SNTG1: variants seen among roughly 807,000 people sequenced by gnomAD.
SNTG1 encodes the protein syntrophin gamma 1.
A neutral mutation model predicts 74.7 loss-of-function variants in SNTG1; 39 were observed. The ratio of observed to expected loss-of-function variants is 0.52; its 90% CI spans 0.40 to 0.68. The LOEUF (loss-of-function observed/expected upper bound fraction) is 0.68, where lower values mean the gene tolerates loss of function less well. Ranked by LOEUF, SNTG1 falls within the 30% of genes least tolerant of loss-of-function variation. SNTG1 has a pLI of 0.00. For missense variants in SNTG1, 685 were observed against 609.5 expected, an observed-to-expected ratio of 1.12 and a Z score of -1.30; for synonymous variants, 254 against 217.1, an observed-to-expected ratio of 1.17 and a Z score of -1.49.
intron 15 of SNTG1, among the ~76,000 whole-genome samples, chr8:50,672,045 G>T (rs1475978450): frequency 8.3e-6 from 1 of 120,492 alleles, no homozygotes; most frequent in Non-Finnish European, 1.7e-5. Context: ...GGACTGTTGT[G>T]GGGTGGGGGG....
chr8:50,278,929 G>A (rs780053258), intron 2 of SNTG1, among the ~76,000 whole-genome samples: 27 of 152,050 alleles, frequency 1.8e-4, no homozygotes, highest in Admixed American at 2.6e-4. Context: ...TAACATTATC[G>A]AAGTCCTTTG....
chr8:49,969,000 G>C (rs1791340005), intron 1 of SNTG1, among the ~76,000 whole-genome samples: 1 of 152,148 alleles, frequency 6.6e-6, no homozygotes, highest in African/African-American at 2.4e-5. Context: ...CTGGAGGAAG[G>C]GGACAGAGAG....
At chr8:50,146,162 G>T (rs1563656181) in intron 1 of SNTG1, among the ~76,000 whole-genome samples, 1 of 151,942 alleles carries the variant, frequency 6.6e-6, no homozygotes, top group Non-Finnish European at 1.5e-5. Flanking sequence ...GTGTGTGTGT[G>T]TTTTGTGTGT....
chr8:50,012,823 T>C (rs545055243), intron 1 of SNTG1, among the ~76,000 whole-genome samples: 6 of 152,234 alleles, frequency 3.9e-5, no homozygotes, highest in Admixed American at 3.3e-4. Context: ...AGTAATTTCA[T>C]TGGGTTTTGA....
At chr8:50,211,757 T>C (rs1761111281) in intron 2 of SNTG1, among the ~76,000 whole-genome samples, 1 of 152,114 alleles carries the variant, frequency 6.6e-6, no homozygotes, top group Admixed American at 6.6e-5. Context: ...CAATTACAAA[T>C]ACAAAATCAT....
At chr8:50,329,320 C>T (rs1026550815) in intron 2 of SNTG1, among the ~76,000 whole-genome samples, 1 of 152,112 alleles carries the variant, frequency 6.6e-6, no homozygotes, top group African/African-American at 2.4e-5. Context: ...TGTGGGGGCT[C>T]CAACTCCACA....
intron 2 of SNTG1, among the ~76,000 whole-genome samples, chr8:50,237,302 C>G (rs1232547860): frequency 6.6e-6 from 1 of 152,026 alleles, no homozygotes; most frequent in Non-Finnish European, 1.5e-5. Flanking sequence ...AATTGGAGCT[C>G]TAAGGTTGAT....
intron 2 of SNTG1, among the ~76,000 whole-genome samples, chr8:50,344,151 C>G (rs2091402477): frequency 6.6e-6 from 1 of 152,150 alleles, no homozygotes; most frequent in African/African-American, 2.4e-5. Context: ...GAGTTATAGT[C>G]AATTCATTTT....
At chr8:50,324,402 T>A (rs1484121072) in intron 2 of SNTG1, among the ~76,000 whole-genome samples, 1 of 152,202 alleles carries the variant, frequency 6.6e-6, no homozygotes, top group Non-Finnish European at 1.5e-5. Context: ...TCAATACTCT[T>A]TCCATAATAT....
At chr8:50,013,479 AT>A (rs1257354022) in intron 1 of SNTG1, among the ~76,000 whole-genome samples, 11 of 151,074 alleles carry the variant, frequency 7.3e-5, no homozygotes, top group African/African-American at 2.7e-4. Context: ...AGATAGATAG[AT>A]AGATAGATAG....
chr8:50,096,207 A>G (rs2079921001), intron 1 of SNTG1, among the ~76,000 whole-genome samples: 1 of 152,158 alleles, frequency 6.6e-6, no homozygotes, highest in African/African-American at 2.4e-5. Flanking sequence ...ATTCCACACA[A>G]CCACCCTTCT....
intron 2 of SNTG1, among the ~76,000 whole-genome samples, chr8:50,367,576 T>C (rs16914777): frequency 0.014 from 2,086 of 152,274 alleles, 50 homozygotes; most frequent in African/African-American, 0.045. Context: ...CAGCAAAATG[T>C]ACTTACTTTA....
chr8:50,605,716 C>T (rs2094807396), intron 13 of SNTG1, among the ~76,000 whole-genome samples: 1 of 152,050 alleles, frequency 6.6e-6, no homozygotes, highest in Admixed American at 6.6e-5. Flanking sequence ...TTATTGTTCA[C>T]CTGATTTTTG....
intron 1 of SNTG1, among the ~76,000 whole-genome samples, chr8:50,086,130 T>G (rs1586203633): frequency 6.6e-6 from 1 of 152,304 alleles, no homozygotes; most frequent in East Asian, 1.9e-4. Flanking sequence ...TGGAACACTG[T>G]GCAGCAGAAG....
At chr8:50,647,147 G>A (rs558798861) in intron 13 of SNTG1, among the ~76,000 whole-genome samples, 6 of 152,150 alleles carry the variant, frequency 3.9e-5, no homozygotes, top group African/African-American at 1.2e-4. Flanking sequence ...ATGACCTTGG[G>A]TATGGTGATG....
At chr8:50,344,482 G>T (rs2091415016) in intron 2 of SNTG1, among the ~76,000 whole-genome samples, 1 of 152,136 alleles carries the variant, frequency 6.6e-6, no homozygotes, top group Non-Finnish European at 1.5e-5. Context: ...AAGAGGAATA[G>T]AAATAAACTC....
chr8:50,746,943 A>C (rs752195361), intron 17 of SNTG1, among the ~76,000 whole-genome samples: 39 of 150,266 alleles, frequency 2.6e-4, no homozygotes, highest in Non-Finnish European at 4.6e-4. Flanking sequence ...GGATGGGTTC[A>C]ATGTCATTAT....
intron 1 of SNTG1, among the ~76,000 whole-genome samples, chr8:49,942,252 C>A (rs1439895831): frequency 6.6e-6 from 1 of 152,172 alleles, no homozygotes; most frequent in East Asian, 1.9e-4. Context: ...ACAAGTAACA[C>A]AACTTTCATT....
intron 2 of SNTG1, among the ~76,000 whole-genome samples, chr8:50,233,651 CA>C (rs2132079814): frequency 6.6e-6 from 1 of 151,304 alleles, no homozygotes; most frequent in South Asian, 2.1e-4. Flanking sequence ...CTTCAAACCA[CA>C]AACCTGATAA....
Sources: gnomAD v4.1 joint callset for allele counts (sites outside exome capture counted in the v4.1 genomes callset) on GRCh38, gnomAD v4.1.1 for gene constraint, MANE v1.5 for transcripts, NCBI Gene and HGNC (gene_info 2026-07-23, HGNC 2026-07-21) for gene names.